Variants in TAC3 observed in about 807,000 individuals in gnomAD.
TAC3 encodes the protein tachykinin-3.
In TAC3, 9 loss-of-function variants were observed where a neutral mutation model predicts 16.5. The ratio of observed to expected loss-of-function variants is 0.55; its 90% CI spans 0.33 to 0.95. The LOEUF (loss-of-function observed/expected upper bound fraction) is 0.95. Among genes scored for constraint, TAC3 ranks in the 40% least tolerant of loss-of-function variants. The pLI, the probability that TAC3 is intolerant of heterozygous loss-of-function variation, is 0.03. For missense variants in TAC3, 129 were observed against 149.1 expected (o/e 0.87, Z 0.70); for synonymous variants, 52 against 56.7 (o/e 0.92, Z 0.37).
chr12:57,013,577 C>T lies in TAC3; in HGVS notation c.208+1G>A. ...CCCTCTCCCCTAGGGCCGCCTCCTACCTGTGCTAGCCTGGCTCAGGGCTTT... is the reference window on the plus strand; with the variant it reads ...CCCTCTCCCCTAGGGCCGCCTCCTATCTGTGCTAGCCTGGCTCAGGGCTTT... On this transcript the variant is annotated splice_donor_variant, in intron 3 of 6. Transcript: ENST00000458521. LOFTEE classifies it high-confidence loss of function. 6.2e-7 allele frequency: 1 copy of T among 1,613,214 alleles called. No homozygotes were observed. Among genetic ancestry groups the T allele is most frequent in the Non-Finnish European group, 8.5e-7 (1 of 1,179,822 alleles).
Position 57,016,392 on chromosome 12 carries a change from G to C in TAC3, c.-11C>G, listed in dbSNP as rs761176256. ...GCATTCTCCCACTTGCCTACCTGTG[G>C]AGCAGCTCTGTGCCGGGGGCTGGGT... On this transcript the variant is annotated 5_prime_UTR_variant, in exon 1 of 7. Coordinates refer to ENST00000458521, the MANE Select transcript of TAC3 (RefSeq NM_013251.4). 4.5e-6 allele frequency: 2 copies of C among 448,404 alleles called. No homozygotes were observed. The highest frequency in any genetic ancestry group is 9.0e-6 in the Non-Finnish European group (2 of 222,070). 27.8% of individuals were successfully genotyped at this position (448,404 alleles called of 1,614,324 possible).
chr12:57,012,671 C>A, intron 5 of TAC3, 151 bp downstream of exon 5: 1 of 1,613,030 alleles, frequency 6.2e-7, no homozygotes, highest in Non-Finnish European at 8.5e-7. Flanking sequence ...TCCTGTGGAT[C>A]CAAGCTGATT....
At chr12:57,015,308 A>G (rs560516742) in intron 2 of TAC3, among the ~76,000 whole-genome samples, 2 of 152,294 alleles carry the variant, frequency 1.3e-5, no homozygotes, top group East Asian at 3.9e-4. Flanking sequence ...ACTGTTTCAT[A>G]CCATCCAGGA....
chr12:57,013,898 G>T, intron 2 of TAC3, among the ~76,000 whole-genome samples: 1 of 152,176 alleles, frequency 6.6e-6, no homozygotes, highest in East Asian at 1.9e-4. Flanking sequence ...GCAGACTCTT[G>T]TTCCTACCCC....
intron 2 of TAC3, among the ~76,000 whole-genome samples, chr12:57,014,345 C>T (rs1000314517): frequency 1.3e-5 from 2 of 152,076 alleles, no homozygotes; most frequent in Admixed American, 6.5e-5. Context: ...ATTTTCATCT[C>T]AAATCTCAAG....
At position 57,015,777 on chromosome 12, in the gene TAC3, G is replaced by T; in HGVS notation, c.21C>A (p.Phe7Leu). 1 of 1,614,120 alleles carries T rather than the reference G, an allele frequency of 6.2e-7. No homozygotes were observed. The highest frequency in any genetic ancestry group is 1.1e-5 in the South Asian group (1 of 91,074). ...CTAGGCTGAAGGCCAGGATGGCTGT[G>T]AATAGCAGCATGATCCTCATGGTGC... MRIMLL[F>L]TAILAFSLAQ... is the part of the protein sequence containing the mutation. Residue 7 changes from phenylalanine to leucine, a missense_variant, in exon 2 of 7, where the codon TTC (phenylalanine) becomes TTA (leucine). Physicochemically the swap from Phe to Leu is conservative, Grantham distance 22. Coordinates refer to ENST00000458521, the MANE Select transcript of TAC3 (RefSeq NM_013251.4).
intron 5 of TAC3, 150 bp downstream of exon 5, chr12:57,012,672 C>A (rs1956317791): frequency 6.2e-7 from 1 of 1,612,856 alleles, no homozygotes; most frequent in Admixed American, 1.7e-5. Flanking sequence ...CCTGTGGATC[C>A]AAGCTGATTG....
rs200744260 is a variant in TAC3 at position 57,013,569 on chromosome 12, G to A, written c.208+9C>T. ...CCTCATTCCCCTCTCCCCTAGGGCC[G>A]CCTCCTACCTGTGCTAGCCTGGCTC... On this transcript the variant is annotated intron_variant, in intron 3 of 6. Transcript: ENST00000458521. The A allele has an allele frequency of 6.0e-5, 96 of 1,612,282 alleles. No individual in the cohort carries two copies. In the East Asian group the frequency reaches 7.4e-4, roughly 12 times the overall value.
At chr12:57,015,948 G>C (rs1404696874) in intron 1 of TAC3, 146 bp from the exon 2 acceptor site, 26 of 723,230 alleles carry the variant, frequency 3.6e-5, no homozygotes, top group Non-Finnish European at 6.1e-5. Flanking sequence ...CCCTGGTCTG[G>C]AGAGAGGGTG....
chr12:57,015,714 C>T lies in TAC3; in HGVS notation c.84G>A (p.Glu28=), dbSNP rs749935574. Residue 28 remains glutamate (E), a synonymous_variant, in exon 2 of 7, where the codon GAG becomes GAA. Coordinates refer to ENST00000458521, the MANE Select transcript of TAC3 (RefSeq NM_013251.4). ...SFGAVCKEPQ[E]EVVPGGGRSK... The stretch of plus-strand genomic sequence containing the variant: ...TGCGGCCCCCGCCAGGAACCACCTC[C>T]TCCTGTGGCTCCTTACAGACAGCCC... The T allele has an allele frequency of 2.5e-6, 4 of 1,614,134 alleles. No homozygotes were observed. Among genetic ancestry groups the T allele is most frequent in the Non-Finnish European group, 3.4e-6 (4 of 1,180,012 alleles).
chr12:57,015,033 T>C (rs921793125), intron 2 of TAC3, among the ~76,000 whole-genome samples: 1 of 152,172 alleles, frequency 6.6e-6, no homozygotes, highest in Admixed American at 6.5e-5. Context: ...ACAATTCCTA[T>C]TCTTTTTCGT....
rs781444495 is a variant in TAC3 at position 57,012,504 on chromosome 12, A to G, written c.293-52T>C. On this transcript the variant is annotated intron_variant, in intron 5 of 6. Transcript: ENST00000458521. ...AGAGGGATCTTTCTGAATGTGAACT[A>G]CACCCTGATCCAACAGCAAAGGGCT... 5 of 1,608,742 alleles carry G rather than the reference A, an allele frequency of 3.1e-6. No homozygotes were observed. In the East Asian group the frequency reaches 6.7e-5, roughly 22 times the overall value.
intron 6 of TAC3, among the ~76,000 whole-genome samples, chr12:57,010,568 A>T (rs537478327): frequency 5.9e-5 from 9 of 152,276 alleles, no homozygotes; most frequent in African/African-American, 2.2e-4. Flanking sequence ...TGGACCAAAG[A>T]TGTAGGAACC....
At chr12:57,012,338 T>C in intron 6 of TAC3, 40 bp downstream of exon 6, 4 of 703,236 alleles carry the variant, frequency 5.7e-6, no homozygotes, top group Non-Finnish European at 7.3e-6. Flanking sequence ...CACAGCCCCC[T>C]CCCCAGTCCC....
rs573799944 is a variant in TAC3 at position 57,015,805 on chromosome 12, G to T, written c.-5-3C>A. 1.2e-6 allele frequency: 2 copies of T among 1,611,824 alleles called. No individual in the cohort carries two copies. Among genetic ancestry groups the T allele is most frequent in the East Asian group, 4.5e-5 (2 of 44,858 alleles). On this transcript the variant is annotated splice_polypyrimidine_tract_variant and splice_region_variant and intron_variant, in intron 1 of 6. Transcript: ENST00000458521. ...TAGCAGCATGATCCTCATGGTGCCTGGGAGAGCAAAGGGACAGGACTCAGG... is the reference window on the plus strand; with the variant it reads ...TAGCAGCATGATCCTCATGGTGCCTTGGAGAGCAAAGGGACAGGACTCAGG...
rs551686983 is a variant in TAC3, at chr12:57,014,367, C to T, written c.115-696G>A. On this transcript the variant is annotated intron_variant, in intron 2 of 6. Coordinates refer to ENST00000458521, the MANE Select transcript of TAC3 (RefSeq NM_013251.4). ...TCTCAAATCTCAAGTCTCAGCAGCGCCTCTCTTTCCAGAACCCAGGCATCC... is the reference window on the plus strand; with the variant it reads ...TCTCAAATCTCAAGTCTCAGCAGCGTCTCTCTTTCCAGAACCCAGGCATCC... 2.6e-5 allele frequency among the ~76,000 whole-genome samples: 4 copies of T among 152,246 alleles called. No homozygotes were observed. The South Asian group carries it at 8.3e-4, about 32-fold the overall frequency.
chr12:57,012,340 C>A, intron 6 of TAC3, 38 bp downstream of exon 6: 1 of 1,576,296 alleles, frequency 6.3e-7, no homozygotes, highest in South Asian at 1.1e-5. Flanking sequence ...CAGCCCCCTC[C>A]CCAGTCCCCT....
chr12:57,012,686 T>A, intron 5 of TAC3, 136 bp downstream of exon 5: 1 of 1,613,070 alleles, frequency 6.2e-7, no homozygotes. Context: ...CTGATTGGGA[T>A]GAAGGGGCCG....
Position 57,015,505 on chromosome 12 carries a change from C to T in TAC3, c.114+179G>A, listed in dbSNP as rs185604732. Among the ~76,000 whole-genome samples the T allele has an allele frequency of 4.1e-4, 63 of 152,332 alleles. 2 individuals carry two copies. In the East Asian group the frequency reaches 8.7e-3, roughly 21 times the overall value. On this transcript the variant is annotated intron_variant, in intron 2 of 6. Coordinates refer to ENST00000458521, the MANE Select transcript of TAC3 (RefSeq NM_013251.4). ...AAAGACATGCAGAGATACAGAGACA[C>T]AAACACACCTGGAGACAGTGGGAAC...
Sources: allele counts gnomAD v4.1 joint callset (sites outside exome capture counted in the v4.1 genomes callset), GRCh38; gene constraint gnomAD v4.1.1; transcripts MANE v1.5; gene names NCBI Gene and HGNC (gene_info 2026-07-23, HGNC 2026-07-21).